The following MTOR variants were observed in gnomAD, a reference collection of about 807,000 sequenced individuals.
MTOR encodes mechanistic target of rapamycin kinase, also known as serine/threonine-protein kinase mTOR.
A neutral mutation model predicts 319.8 loss-of-function variants in MTOR; 70 were observed. The ratio of observed to expected loss-of-function variants is 0.22; its 90% CI spans 0.18 to 0.27. The LOEUF is 0.27. MTOR is among the 10% of genes least tolerant of loss of function. MTOR has a pLI of 1.00. For missense variants in MTOR, 1,890 were observed against 3,274.4 expected, an observed-to-expected ratio of 0.58 and a Z score of 10.32; for synonymous variants, 1,183 against 1,211.4, an observed-to-expected ratio of 0.98 and a Z score of 0.49.
chr1:11,230,246 C>T (rs776085001), intron 18 of MTOR, among the ~76,000 whole-genome samples: 2 of 152,110 alleles, frequency 1.3e-5, no homozygotes, highest in Non-Finnish European at 1.5e-5. Flanking sequence ...CATGGCAAAA[C>T]CCCTCCCTAC....
chr1:11,229,854 G>A (rs1051470654), intron 18 of MTOR, among the ~76,000 whole-genome samples: 3 of 152,112 alleles, frequency 2.0e-5, no homozygotes, highest in African/African-American at 7.2e-5. Context: ...GCACACGCCT[G>A]TAGTCCCAGC....
At chr1:11,250,303 G>A (rs1019554065) in intron 6 of MTOR, among the ~76,000 whole-genome samples, 17 of 137,964 alleles carry the variant, frequency 1.2e-4, no homozygotes, top group African/African-American at 4.4e-4. Context: ...CAGATGGGGC[G>A]GCTGGCCGGG....
intron 19 of MTOR, among the ~76,000 whole-genome samples, chr1:11,225,362 A>C (rs192656288): frequency 6.6e-6 from 1 of 151,810 alleles, no homozygotes; most frequent in East Asian, 1.9e-4. Flanking sequence ...TTCTAACACA[A>C]TTTTTTTTAA....
At chr1:11,210,932 G>C in intron 23 of MTOR, 26 bp from the exon 24 acceptor site, 17 of 1,407,380 alleles carry the variant, frequency 1.2e-5, no homozygotes, top group Non-Finnish European at 1.7e-5. Context: ...GAAGAGATGA[G>C]AAACTATCAT....
chr1:11,123,440 G>A (rs1235357598), intron 47 of MTOR, among the ~76,000 whole-genome samples: 1 of 144,666 alleles, frequency 6.9e-6, no homozygotes, highest in Non-Finnish European at 1.5e-5. Context: ...GTAGAGACAG[G>A]GATTACAGGC....
Position 11,190,355 on chromosome 1 carries a change from G to C in MTOR, c.4253+8903C>G, listed in dbSNP as rs530893523. Among the ~76,000 whole-genome samples the C allele has an allele frequency of 9.8e-4, 149 of 152,292 alleles. 1 individual carries two copies. Among genetic ancestry groups the C allele is most frequent in the South Asian group, 5.2e-3 (25 of 4,832 alleles). On this transcript the variant is annotated intron_variant, in intron 28 of 57. Transcript: ENST00000361445. ...TAACAGCTGTTCCTCTGGAAGCAAA[G>C]TTTTGCCAGAAACAGTTCTCTGGTG...
intron 2 of MTOR, 127 bp downstream of exon 2, chr1:11,259,121 G>C (rs975243401): frequency 3.5e-6 from 4 of 1,134,020 alleles, no homozygotes; most frequent in Non-Finnish European, 5.0e-6. Context: ...GTGACAGGTT[G>C]GGTGCCTTTA....
intron 31 of MTOR, among the ~76,000 whole-genome samples, chr1:11,147,563 T>C (rs905810002): frequency 6.6e-6 from 1 of 152,206 alleles, no homozygotes; most frequent in African/African-American, 2.4e-5. Context: ...CTCCAGACCA[T>C]CGGCTCATCC....
intron 29 of MTOR, among the ~76,000 whole-genome samples, chr1:11,159,139 C>T (rs1293576278): frequency 2.0e-5 from 3 of 152,238 alleles, no homozygotes; most frequent in African/African-American, 7.2e-5. Context: ...CAGATGTCTG[C>T]GGAGTCCTTG....
At chr1:11,144,129 A>C (rs1557770291) in intron 34 of MTOR, 1 of 153,502 alleles carries the variant, frequency 6.5e-6, no homozygotes. Flanking sequence ...GCCAATGAGA[A>C]CCTAAGGCAA....
At chr1:11,117,590 G>C (rs899097215) in intron 49 of MTOR, among the ~76,000 whole-genome samples, 33 of 152,118 alleles carry the variant, frequency 2.2e-4, no homozygotes, top group African/African-American at 7.7e-4. Context: ...TAGACTTAAA[G>C]ATCTGAGTAA....
In MTOR at chr1:11,240,635, G is replaced by A. The variant is rs1417316758; in HGVS notation, c.1542-88C>T. On this transcript the variant is annotated intron_variant, in intron 10 of 57. Transcript: ENST00000361445. ...AGAAACAGCTTTCTCTCCCAGCAAG[G>A]GGATCAGGCCTCTGTTCTTCAGAGT... 4.7e-6 allele frequency: 7 copies of A among 1,500,328 alleles called. No homozygotes were observed. The Admixed American group carries it at 5.9e-5, about 13-fold the overall frequency. 92.9% of individuals were successfully genotyped at this position (1,500,328 alleles called of 1,614,324 possible).
intron 26 of MTOR, among the ~76,000 whole-genome samples, chr1:11,202,420 C>CAA (rs35136193): frequency 0.023 from 1,635 of 71,618 alleles, 58 homozygotes; most frequent in African/African-American, 0.056. Context: ...AACTCCGTCT[C>CAA]AAAAAAAAAA....
In MTOR at chr1:11,243,096, C is replaced by A. The variant is rs12141961; in HGVS notation, c.1412+18G>T. ...AACCAAATGGAGTGGAAGGTGAAAT[C>A]ATAACAGAGGTGCTTACTTATGGGC... is the stretch of plus-strand genomic sequence containing the variant. On this transcript the variant is annotated intron_variant, in intron 9 of 57. Transcript: ENST00000361445. The A allele has an allele frequency of 0.037, 59,919 of 1,612,474 alleles. 1,991 individuals carry two copies. The highest frequency in any genetic ancestry group is 0.11 in the South Asian group (10,230 of 90,846).
intron 16 of MTOR, 38 bp downstream of exon 16, chr1:11,232,398 G>A (rs1569703375): frequency 6.6e-7 from 1 of 1,505,844 alleles, no homozygotes; most frequent in Non-Finnish European, 9.2e-7. Context: ...TGGACTCATG[G>A]GGTCTGTCTT....
In MTOR at chr1:11,109,465, G is replaced by A; in HGVS notation, c.7448-95C>T. The A allele has an allele frequency of 7.8e-7, 1 of 1,290,164 alleles. No individual in the cohort carries two copies. The allele number at this position is 1,290,164 out of a possible 1,614,324, so 79.9% of individuals were successfully genotyped here. A position where few individuals can be genotyped will look rare whatever the true frequency, so the allele number is the denominator to read the frequency against. On this transcript the variant is annotated intron_variant, in intron 55 of 57. Coordinates refer to ENST00000361445, the MANE Select transcript of MTOR (RefSeq NM_004958.4). This position sits in a 1 kb window ranked among gnomAD's most constrained non-coding sequence, Gnocchi z 4.0. ...TTTTCTCAAATATTCACTTTTGTAA[G>A]TGTTAAGCAATCCTTCCTCTATGTC...
rs530190315 is a variant in MTOR at position 11,191,350 on chromosome 1, G to A, written c.4253+7908C>T. On this transcript the variant is annotated intron_variant, in intron 28 of 57. Transcript: ENST00000361445. ...AGACGAAATGAAGAATAGTGATGGCGAAGGCACACGTACTCTACCTCCCTT... is the reference window on the plus strand; with the variant it reads ...AGACGAAATGAAGAATAGTGATGGCAAAGGCACACGTACTCTACCTCCCTT... 2.4e-4 allele frequency among the ~76,000 whole-genome samples: 36 copies of A among 152,240 alleles called. No individual in the cohort carries two copies. In the South Asian group the frequency reaches 5.0e-3, roughly 21 times the overall value.
chr1:11,238,322 G>A, intron 12 of MTOR, 80 bp downstream of exon 12: 1 of 1,407,626 alleles, frequency 7.1e-7, no homozygotes, highest in Non-Finnish European at 1.0e-6. Flanking sequence ...CTCTAGAGAG[G>A]CCATGTAATG....
rs747503615 is a variant in MTOR, at chr1:11,112,806, C to G, written c.7366+46G>C. Reference sequence around the variant, plus strand: ...AAGCCCACCCCACTCTACAAACACTCTGCACAAGGGGGAGAGCCTTTGCGA... The same window carrying G: ...AAGCCCACCCCACTCTACAAACACTGTGCACAAGGGGGAGAGCCTTTGCGA... On this transcript the variant is annotated intron_variant, in intron 54 of 57. Coordinates refer to ENST00000361445, the MANE Select transcript of MTOR (RefSeq NM_004958.4). 14 of 1,604,144 alleles carry G rather than the reference C, an allele frequency of 8.7e-6. No homozygotes were observed. In the Middle Eastern group the frequency reaches 9.9e-4, roughly 113 times the overall value.
Sources: allele counts gnomAD v4.1 joint callset (sites outside exome capture counted in the v4.1 genomes callset), GRCh38; gene constraint gnomAD v4.1.1; non-coding constraint Gnocchi (gnomAD v3.1); transcripts MANE v1.5; gene names NCBI Gene and HGNC (gene_info 2026-07-23, HGNC 2026-07-21).